Variants in SRPK2 observed in about 807,000 individuals in gnomAD.
The protein encoded by SRPK2 is SFRS protein kinase 2.
In SRPK2, 21 loss-of-function variants were observed where a neutral mutation model predicts 90.8. The observed-to-expected ratio is 0.23, with a 90% CI of 0.16 to 0.33. SRPK2 has a LOEUF of 0.33. Among genes scored for constraint, SRPK2 ranks in the 10% least tolerant of loss-of-function variants. The probability of loss-of-function intolerance (pLI) is 1.00; values close to 1 mark genes in which losing one functional copy is unlikely to be tolerated. For missense variants in SRPK2, 620 were observed against 869.0 expected (o/e 0.71, Z 3.60); for synonymous variants, 288 against 311.1 (o/e 0.93, Z 0.78).
intron 2 of SRPK2, among the ~76,000 whole-genome samples, chr7:105,282,138 A>C (rs1807423671): frequency 6.6e-6 from 1 of 152,214 alleles, no homozygotes; most frequent in South Asian, 2.1e-4. Flanking sequence ...AAATCAATGA[A>C]AGATAACGGA....
At chr7:105,374,006 C>T (rs1257507421) in intron 2 of SRPK2, among the ~76,000 whole-genome samples, 1 of 152,238 alleles carries the variant, frequency 6.6e-6, no homozygotes, top group Non-Finnish European at 1.5e-5. Context: ...TGGCTCCCTG[C>T]AACGTCTACC....
chr7:105,285,953 A>G (rs1003919563), intron 2 of SRPK2, among the ~76,000 whole-genome samples: 28 of 152,242 alleles, frequency 1.8e-4, no homozygotes, highest in Non-Finnish European at 5.9e-5. Context: ...TACACCAGTT[A>G]CAATGTATCA....
intron 7 of SRPK2, among the ~76,000 whole-genome samples, chr7:105,159,444 T>C (rs533101677): frequency 2.0e-3 from 17 of 8,314 alleles, no homozygotes; most frequent in East Asian, 0.011. Flanking sequence ...CGAGACTCCG[T>C]CTCCAAAAAA....
intron 2 of SRPK2, among the ~76,000 whole-genome samples, chr7:105,209,038 C>T (rs980827968): frequency 6.6e-6 from 1 of 152,046 alleles, no homozygotes; most frequent in Non-Finnish European, 1.5e-5. Context: ...AACACTACAC[C>T]GTTATAAAAT....
intron 2 of SRPK2, among the ~76,000 whole-genome samples, chr7:105,357,760 C>A (rs1312226487): frequency 7.0e-6 from 1 of 143,164 alleles, no homozygotes; most frequent in Non-Finnish European, 1.6e-5. Flanking sequence ...ACAAAAAAAA[C>A]AATAACAAAA....
chr7:105,206,018 A>G, intron 2 of SRPK2: 1 of 518,952 alleles, frequency 1.9e-6, no homozygotes, highest in Non-Finnish European at 3.8e-6. Context: ...AGTGCACGGC[A>G]CTACTGTACT....
At chr7:105,232,023 A>C (rs1799484021) in intron 2 of SRPK2, among the ~76,000 whole-genome samples, 1 of 152,100 alleles carries the variant, frequency 6.6e-6, no homozygotes, top group Non-Finnish European at 1.5e-5. Flanking sequence ...ACACCCAGGA[A>C]ATTTTACCTT....
At chr7:105,356,743 C>A (rs1817824063) in intron 2 of SRPK2, among the ~76,000 whole-genome samples, 1 of 152,058 alleles carries the variant, frequency 6.6e-6, no homozygotes. Context: ...ATATTAAATA[C>A]CCAAAAGAAG....
upstream of SRPK2, chr7:105,389,526 G>C (rs1822083076): frequency 1.3e-6 from 1 of 745,436 alleles, no homozygotes; most frequent in Non-Finnish European, 1.8e-6. Flanking sequence ...TGAAGGAAAA[G>C]ATACAGATAG....
chr7:105,165,554 T>C (rs1203623572), intron 6 of SRPK2, among the ~76,000 whole-genome samples: 1 of 152,144 alleles, frequency 6.6e-6, no homozygotes, highest in African/African-American at 2.4e-5. Context: ...ATCAGCACTC[T>C]GTAAAAACGC....
chr7:105,340,641 A>G (rs1054762017), intron 2 of SRPK2, among the ~76,000 whole-genome samples: 1 of 151,940 alleles, frequency 6.6e-6, no homozygotes, highest in African/African-American at 2.4e-5. Context: ...ACTAGGTTTC[A>G]CTATGTTTTC....
chr7:105,329,750 C>G (rs943615767), intron 2 of SRPK2, among the ~76,000 whole-genome samples: 1 of 152,124 alleles, frequency 6.6e-6, no homozygotes, highest in African/African-American at 2.4e-5. Context: ...CTTAAGAACA[C>G]CCGGCATGGT....
At chr7:105,169,544 T>G (rs1017784494) in intron 3 of SRPK2, among the ~76,000 whole-genome samples, 6 of 152,052 alleles carry the variant, frequency 3.9e-5, no homozygotes, top group African/African-American at 1.4e-4. Flanking sequence ...CTGGCCAACA[T>G]GGTGAAATCC....
Position 105,364,405 on chromosome 7 carries a change from G to GTTTTTTTTTTTTTTTTT in SRPK2, c.71+24242_71+24243insAAAAAAAAAAAAAAAAA, listed in dbSNP as rs71152964. Among the ~76,000 whole-genome samples, 5 of 133,906 alleles carry GTTTTTTTTTTTTTTTTT rather than the reference G, an allele frequency of 3.7e-5. 1 individual carries two copies. The highest frequency in any genetic ancestry group is 3.1e-5 in the Non-Finnish European group (2 of 63,568). The allele number at this position is 133,906 out of a possible 152,430, so 87.8% of individuals were successfully genotyped here. On this transcript the variant is annotated intron_variant, in intron 2 of 15. Coordinates refer to ENST00000393651, the MANE Select transcript of SRPK2 (RefSeq NM_182692.3). Reference sequence around the variant, plus strand: ...CTTTCCATAGCATACCGTGTGTAACGTTTTTTTTTTTTTGAGAAGGAGTCT... The same window carrying GTTTTTTTTTTTTTTTTT: ...CTTTCCATAGCATACCGTGTGTAACGTTTTTTTTTTTTTTTTTTTTTTTTTTTTTTGAGAAGGAGTCT...
chr7:105,244,802 G>A (rs1433539848), intron 2 of SRPK2: 6 of 965,820 alleles, frequency 6.2e-6, no homozygotes, highest in Non-Finnish European at 8.4e-6. Context: ...ATGTGGCTTC[G>A]CCCCGTACAA....
At chr7:105,370,761 G>A (rs189335518) in intron 2 of SRPK2, among the ~76,000 whole-genome samples, 47 of 151,660 alleles carry the variant, frequency 3.1e-4, no homozygotes, top group African/African-American at 1.1e-3. Context: ...GACTATAGGC[G>A]TGCACCATCA....
intron 13 of SRPK2, among the ~76,000 whole-genome samples, chr7:105,130,994 G>A (rs1435279082): frequency 1.3e-5 from 2 of 152,204 alleles, no homozygotes; most frequent in Middle Eastern, 3.2e-3. Flanking sequence ...CAAGAAGTAA[G>A]CAGGACAGGG....
At chr7:105,282,248 T>C (rs950801035) in intron 2 of SRPK2, among the ~76,000 whole-genome samples, 4 of 152,192 alleles carry the variant, frequency 2.6e-5, no homozygotes, top group Non-Finnish European at 4.4e-5. Flanking sequence ...CAAATGGTGA[T>C]AGACAACTGG....
rs56318802 is a variant in SRPK2, at chr7:105,203,782, C to T, written c.75G>A (p.Pro25=). 2.9e-3 allele frequency: 4,530 copies of T among 1,579,058 alleles called. 130 individuals carry two copies. In the East Asian group the frequency reaches 0.062, roughly 22 times the overall value. Residue 25 remains proline, a synonymous_variant, in exon 3 of 16, where the codon CCG becomes CCA. Coordinates refer to ENST00000393651, the MANE Select transcript of SRPK2 (RefSeq NM_182692.3). ...RPKREKHPKK[P]EPQQKAPLVP... ...CTAAAGGAGCTTTCTGTTGAGGCTCCGGCCTGAAAGAGCAGAGAGAAAATT... is the reference window on the plus strand; with the variant it reads ...CTAAAGGAGCTTTCTGTTGAGGCTCTGGCCTGAAAGAGCAGAGAGAAAATT...
Sources: gnomAD v4.1 joint callset for allele counts (sites outside exome capture counted in the v4.1 genomes callset) on GRCh38, gnomAD v4.1.1 for gene constraint, MANE v1.5 for transcripts, NCBI Gene and HGNC (gene_info 2026-07-23, HGNC 2026-07-21) for gene names.